The following ANKIB1 variants were observed in gnomAD, a reference collection of about 807,000 sequenced individuals.
ANKIB1 encodes the protein ankyrin repeat and IBR domain containing 1.
In ANKIB1, 43 loss-of-function variants were observed where a neutral mutation model predicts 122.1. The observed-to-expected ratio is 0.35, with a 90% CI of 0.28 to 0.45. ANKIB1 has a LOEUF of 0.45. Ranked by LOEUF, ANKIB1 falls within the 20% of genes least tolerant of loss-of-function variation. ANKIB1 has a pLI of 1.00. For synonymous variants in ANKIB1, 390 were observed against 442.0 expected (o/e 0.88, Z 1.48); for missense variants, 992 against 1,329.5 (o/e 0.75, Z 3.95).
At position 92,392,287 on chromosome 7, in the gene ANKIB1, C is replaced by G; in HGVS notation, c.2278C>G (p.Pro760Ala). ...WDWEYLGFAS[P>A]EEYAEFQYRR... ...TTGGGAATATTTAGGATTTGCATCA[C>G]CAGAGGTAATTGTTTTATGGGGTTT... Residue 760 changes from proline (P) to alanine (A), a missense_variant, in exon 17 of 20, where the codon CCA becomes GCA. Physicochemically the swap from Pro to Ala is conservative, Grantham distance 27. Around this residue, in one of 4 missense-constraint regions of ANKIB1, gnomAD observed 384 missense variants for 412.0 expected, o/e 0.93. Transcript: ENST00000265742. 6.2e-7 allele frequency: 1 copy of G among 1,609,624 alleles called. No homozygotes were observed. Among genetic ancestry groups the G allele is most frequent in the Non-Finnish European group, 8.5e-7 (1 of 1,177,584 alleles).
At chr7:92,353,524 A>T (rs924738677) in intron 9 of ANKIB1, among the ~76,000 whole-genome samples, 4 of 152,224 alleles carry the variant, frequency 2.6e-5, no homozygotes, top group African/African-American at 9.6e-5. Flanking sequence ...GGATACACTT[A>T]GGTGGATATG....
intron 12 of ANKIB1, among the ~76,000 whole-genome samples, chr7:92,386,940 C>G (rs542524146): frequency 5.9e-4 from 90 of 152,154 alleles, no homozygotes; most frequent in African/African-American, 2.1e-3. Context: ...TTACATTATA[C>G]TGTACAGGAA....
rs76089140 is a variant in ANKIB1 at position 92,294,666 on chromosome 7, A to G, written c.-90-223A>G. On this transcript the variant is annotated intron_variant, in intron 1 of 19. Coordinates refer to ENST00000265742, the MANE Select transcript of ANKIB1 (RefSeq NM_019004.2). Reference sequence around the variant, plus strand: ...CCGAAGGACTGCCTGTGAAACCTTAACAGTCTCTGTGTGGGAAAGTGTTAA... The same window carrying G: ...CCGAAGGACTGCCTGTGAAACCTTAGCAGTCTCTGTGTGGGAAAGTGTTAA... The G allele has an allele frequency of 8.7e-3, 3,426 of 392,032 alleles. 97 individuals are homozygous for G. Among genetic ancestry groups the G allele is most frequent in the African/African-American group, 0.062 (3,001 of 48,596 alleles). The allele number at this position is 392,032 out of a possible 1,614,324, so 24.3% of individuals were successfully genotyped here. A position where few individuals can be genotyped will look rare whatever the true frequency, so the allele number is the denominator to read the frequency against.
intron 1 of ANKIB1, among the ~76,000 whole-genome samples, chr7:92,272,510 G>T (rs1420119414): frequency 6.6e-6 from 1 of 152,152 alleles, no homozygotes; most frequent in Non-Finnish European, 1.5e-5. Flanking sequence ...AGTTCAAGAG[G>T]TAGGAAGATT....
rs1803909144 is a variant in ANKIB1, at chr7:92,360,084, A to G, written c.1398-2101A>G. ...CAAGGCAATTGGTGCATTTTTTTTTACCATGTAACCATTTTTAAGTATGCA... is the reference window on the plus strand; with the variant it reads ...CAAGGCAATTGGTGCATTTTTTTTTGCCATGTAACCATTTTTAAGTATGCA... On this transcript the variant is annotated intron_variant, in intron 9 of 19. Coordinates refer to ENST00000265742, the MANE Select transcript of ANKIB1 (RefSeq NM_019004.2). Among the ~76,000 whole-genome samples, 3 of 152,064 alleles carry G rather than the reference A, an allele frequency of 2.0e-5. No individual in the cohort carries two copies. In the South Asian group the frequency reaches 6.2e-4, roughly 32 times the overall value.
chr7:92,383,090 C>T (rs1325701929), intron 11 of ANKIB1, among the ~76,000 whole-genome samples: 1 of 152,128 alleles, frequency 6.6e-6, no homozygotes, highest in Non-Finnish European at 1.5e-5. Flanking sequence ...ATACAAACTA[C>T]CATCAGAGAA....
chr7:92,268,711 A>G (rs527360177), intron 1 of ANKIB1, among the ~76,000 whole-genome samples: 1 of 152,276 alleles, frequency 6.6e-6, no homozygotes, highest in South Asian at 2.1e-4. Context: ...CCTGGACCCA[A>G]ACGATCCTCC....
chr7:92,283,855 C>T (rs1177577205), intron 1 of ANKIB1, among the ~76,000 whole-genome samples: 2 of 152,192 alleles, frequency 1.3e-5, no homozygotes, highest in African/African-American at 4.8e-5. Context: ...ACTGCAACCT[C>T]CGTCTCCCTG....
At chr7:92,372,712 G>A (rs1308335840) in intron 11 of ANKIB1, among the ~76,000 whole-genome samples, 2 of 152,092 alleles carry the variant, frequency 1.3e-5, no homozygotes, top group East Asian at 3.8e-4. Flanking sequence ...ACAGCAGTGT[G>A]TTTAAAACAA....
chr7:92,331,677 A>G (rs540249825), intron 5 of ANKIB1, among the ~76,000 whole-genome samples: 2 of 152,288 alleles, frequency 1.3e-5, no homozygotes, highest in South Asian at 4.2e-4. Context: ...AATTGTGGAA[A>G]GTTTTATGAG....
At chr7:92,387,920 A>T in intron 13 of ANKIB1, 36 bp downstream of exon 13, 1 of 1,606,886 alleles carries the variant, frequency 6.2e-7, no homozygotes, top group Non-Finnish European at 8.5e-7. Context: ...GCTGACCTAT[A>T]CTGTTGTGAA....
chr7:92,388,621 A>G (rs1053618343), intron 14 of ANKIB1, among the ~76,000 whole-genome samples: 1 of 152,224 alleles, frequency 6.6e-6, no homozygotes, highest in Non-Finnish European at 1.5e-5. Flanking sequence ...TTAGAATATA[A>G]TAACCCACAA....
In ANKIB1 at chr7:92,307,661, A is replaced by ATTTTT; in HGVS notation, c.486+15_486+19dup. On this transcript the variant is annotated splice_donor_region_variant and intron_variant, in intron 3 of 19. Coordinates refer to ENST00000265742, the MANE Select transcript of ANKIB1 (RefSeq NM_019004.2). ...GGGATGAAAGCCTGTGTAGAGGTAA[A>ATTTTT]TTTTTTTTTTTTTTAATATTCTGCA... The ATTTTT allele has an allele frequency of 8.4e-7, 1 of 1,190,654 alleles. No homozygotes were observed. Among genetic ancestry groups the ATTTTT allele is most frequent in the Non-Finnish European group, 1.1e-6 (1 of 893,732 alleles). The allele number at this position is 1,190,654 out of a possible 1,614,324, so 73.8% of individuals were successfully genotyped here.
intron 4 of ANKIB1, among the ~76,000 whole-genome samples, chr7:92,325,227 C>A (rs1453811342): frequency 6.6e-6 from 1 of 152,182 alleles, no homozygotes; most frequent in African/African-American, 2.4e-5. Context: ...TTCCCTTCCC[C>A]ACTCTTAGTC....
Sources: allele counts gnomAD v4.1 joint callset (sites outside exome capture counted in the v4.1 genomes callset), GRCh38; gene constraint gnomAD v4.1.1; regional missense constraint gnomAD v4.1.1; transcripts MANE v1.5; gene names NCBI Gene and HGNC (gene_info 2026-07-23, HGNC 2026-07-21).